The following CAMTA1 variants were observed in gnomAD, a reference collection of about 807,000 sequenced individuals.
CAMTA1 encodes the protein calmodulin binding transcription activator 1.
Under a neutral mutation model 170.9 loss-of-function variants are expected in CAMTA1, and 27 were observed. The observed-to-expected ratio is 0.16, with a 90% CI of 0.12 to 0.22. The LOEUF is 0.22. CAMTA1 is among the 10% of genes least tolerant of loss of function. CAMTA1 has a pLI of 1.00. For synonymous variants in CAMTA1, 833 were observed against 891.5 expected (o/e 0.93, Z 1.17); for missense variants, 1,619 against 2,217.2 (o/e 0.73, Z 5.42).
In CAMTA1 at chr1:7,678,061, C is replaced by T. The variant is rs536085339; in HGVS notation, c.2914+328C>T. On this transcript the variant is annotated intron_variant, in intron 11 of 22. Transcript: ENST00000303635. ...GCCCAGGGCAGCTAAGAGGCTCTGGCGAAGGACCCCAGGCAGCAAGGTCCA... is the reference window on the plus strand; with the variant it reads ...GCCCAGGGCAGCTAAGAGGCTCTGGTGAAGGACCCCAGGCAGCAAGGTCCA... Among the ~76,000 whole-genome samples, 5 of 152,228 alleles carry T rather than the reference C, an allele frequency of 3.3e-5. No individual in the cohort carries two copies. The South Asian group carries it at 6.2e-4, about 19-fold the overall frequency.
intron 4 of CAMTA1, among the ~76,000 whole-genome samples, chr1:7,200,676 G>A: frequency 6.6e-6 from 1 of 152,190 alleles, no homozygotes; most frequent in East Asian, 1.9e-4. Flanking sequence ...TACTACGGAA[G>A]CCATGTTATG....
chr1:7,575,005 C>T (rs927495049), intron 6 of CAMTA1, among the ~76,000 whole-genome samples: 1 of 152,234 alleles, frequency 6.6e-6, no homozygotes, highest in Non-Finnish European at 1.5e-5. Context: ...CTGCTTCATG[C>T]ACATTCCCTG....
intron 7 of CAMTA1, among the ~76,000 whole-genome samples, chr1:7,655,079 C>CAA (rs2095878159): frequency 8.7e-6 from 1 of 115,032 alleles, no homozygotes; most frequent in Non-Finnish European, 1.9e-5. Flanking sequence ...CCTATACACA[C>CAA]ACACCCACCT....
At chr1:7,529,279 C>A (rs2094464464) in intron 6 of CAMTA1, among the ~76,000 whole-genome samples, 1 of 152,044 alleles carries the variant, frequency 6.6e-6, no homozygotes, top group Admixed American at 6.5e-5. Context: ...TGACCTTGGA[C>A]ATTCCTCCAC....
At chr1:7,257,232 G>T (rs145819599) in intron 5 of CAMTA1, among the ~76,000 whole-genome samples, 1 of 152,076 alleles carries the variant, frequency 6.6e-6, no homozygotes, top group African/African-American at 2.4e-5. Flanking sequence ...AGTCCTGTGC[G>T]CATCATCTTA....
chr1:7,534,539 G>A lies in CAMTA1; in HGVS notation c.510+66638G>A, dbSNP rs1313114578. ...TAGGCAGCTGAGGCCCAGCCCTGTG[G>A]GGTGGCACTACCTGCTCCCCACCTC... On this transcript the variant is annotated intron_variant, in intron 6 of 22. Coordinates refer to ENST00000303635, the MANE Select transcript of CAMTA1 (RefSeq NM_015215.4). The surrounding 1 kb of genome is among the most constrained non-coding windows in gnomAD (Gnocchi z 5.6). Among the ~76,000 whole-genome samples the A allele has an allele frequency of 2.0e-5, 3 of 152,156 alleles. No homozygotes were observed. Among genetic ancestry groups the A allele is most frequent in the Non-Finnish European group, 4.4e-5 (3 of 68,016 alleles).
At chr1:7,043,275 C>G (rs1012210825) in intron 3 of CAMTA1, among the ~76,000 whole-genome samples, 2 of 152,236 alleles carry the variant, frequency 1.3e-5, no homozygotes, top group Non-Finnish European at 2.9e-5. Context: ...TCTCAAAGTC[C>G]ATTTCTGGCA....
chr1:7,325,146 G>A lies in CAMTA1; in HGVS notation c.438+75520G>A, dbSNP rs1679099537. Among the ~76,000 whole-genome samples, 1 of 152,154 alleles carries A rather than the reference G, an allele frequency of 6.6e-6. No homozygotes were observed. Among genetic ancestry groups the A allele is most frequent in the Non-Finnish European group, 1.5e-5 (1 of 68,042 alleles). ...TTCCACGCACTGTTCTAGGAACATA[G>A]GAAACACAAGGAACAGAGAAGGCAC... On this transcript the variant is annotated intron_variant, in intron 5 of 22. Coordinates refer to ENST00000303635, the MANE Select transcript of CAMTA1 (RefSeq NM_015215.4). This position sits in a 1 kb window ranked among gnomAD's most constrained non-coding sequence, Gnocchi z 5.0.
intron 5 of CAMTA1, among the ~76,000 whole-genome samples, chr1:7,373,587 A>G (rs2086639647): frequency 6.6e-6 from 1 of 152,238 alleles, no homozygotes; most frequent in Non-Finnish European, 1.5e-5. Context: ...GAGCCAAGAG[A>G]CAACAGGAAA....
At chr1:6,886,201 G>T (rs1257523930) in intron 3 of CAMTA1, 1 of 455,354 alleles carries the variant, frequency 2.2e-6, no homozygotes, top group African/African-American at 2.0e-5. Flanking sequence ...TAAGTGTTTT[G>T]GAGGAAGAGA....
In CAMTA1 at chr1:7,455,148, C is replaced by T. The variant is rs1212831458; in HGVS notation, c.439-12682C>T. ...TTTCAGGGGAAGGGGCGCTGCTGTG[C>T]AGACCCTGCTAAGTCTGTTCCAGGA... On this transcript the variant is annotated intron_variant, in intron 5 of 22. Coordinates refer to ENST00000303635, the MANE Select transcript of CAMTA1 (RefSeq NM_015215.4). This position sits in a 1 kb window ranked among gnomAD's most constrained non-coding sequence, Gnocchi z 5.0. Among the ~76,000 whole-genome samples, 1 of 152,142 alleles carries T rather than the reference C, an allele frequency of 6.6e-6. No homozygotes were observed. Among genetic ancestry groups the T allele is most frequent in the Non-Finnish European group, 1.5e-5 (1 of 68,038 alleles).
intron 6 of CAMTA1, among the ~76,000 whole-genome samples, chr1:7,483,631 C>T (rs1315919178): frequency 2.6e-5 from 4 of 152,302 alleles, no homozygotes; most frequent in Non-Finnish European, 2.9e-5. Flanking sequence ...CGGGGCCCAG[C>T]GTCCTGAGGG....
chr1:7,278,012 G>C (rs747787185), intron 5 of CAMTA1, among the ~76,000 whole-genome samples: 3 of 152,142 alleles, frequency 2.0e-5, no homozygotes, highest in African/African-American at 4.8e-5. Flanking sequence ...ATTTATTTGA[G>C]GAGTTACTAG....
At chr1:6,789,804 C>CT (rs34542033) in intron 1 of CAMTA1, among the ~76,000 whole-genome samples, 1,414 of 85,538 alleles carry the variant, frequency 0.017, 53 homozygotes, top group East Asian at 0.042. Flanking sequence ...TTTAGTGTAT[C>CT]TTTTTTTTTT....
At chr1:6,891,652 A>G (rs1674510842) in intron 3 of CAMTA1, among the ~76,000 whole-genome samples, 1 of 152,218 alleles carries the variant, frequency 6.6e-6, no homozygotes, top group Non-Finnish European at 1.5e-5. Context: ...TCAAGGTAGT[A>G]GCACCTGCAT....
At chr1:7,352,566 C>T (rs1037895429) in intron 5 of CAMTA1, among the ~76,000 whole-genome samples, 2 of 152,202 alleles carry the variant, frequency 1.3e-5, no homozygotes, top group African/African-American at 4.8e-5. Flanking sequence ...CCAGGGCAGA[C>T]TCCTTGGCCA....
chr1:7,605,832 C>G (rs542217200), intron 6 of CAMTA1, among the ~76,000 whole-genome samples: 23 of 152,306 alleles, frequency 1.5e-4, no homozygotes, highest in Middle Eastern at 3.4e-3. Flanking sequence ...GCTCCACCCC[C>G]CAATTTAAAT....
At chr1:7,106,329 G>A (rs1643587923) in intron 4 of CAMTA1, among the ~76,000 whole-genome samples, 2 of 151,928 alleles carry the variant, frequency 1.3e-5, no homozygotes, top group Admixed American at 6.6e-5. Flanking sequence ...GGATGAGGAG[G>A]AAATAGAGGA....
intron 6 of CAMTA1, among the ~76,000 whole-genome samples, chr1:7,473,836 T>C (rs1489965002): frequency 6.6e-6 from 1 of 152,250 alleles, no homozygotes; most frequent in Non-Finnish European, 1.5e-5. Flanking sequence ...TTTTCTCCAC[T>C]GACGCCGGAA....
Sources: allele counts gnomAD v4.1 joint callset (sites outside exome capture counted in the v4.1 genomes callset), GRCh38; gene constraint gnomAD v4.1.1; non-coding constraint Gnocchi (gnomAD v3.1); transcripts MANE v1.5; gene names NCBI Gene and HGNC (gene_info 2026-07-23, HGNC 2026-07-21).